MLN: variants seen among roughly 807,000 people sequenced by gnomAD.
The protein encoded by MLN is promotilin.
In MLN, 14 loss-of-function variants were observed where a neutral mutation model predicts 13.3. The observed-to-expected ratio is 1.05, with a 90% CI of 0.69 to 1.64. The LOEUF (loss-of-function observed/expected upper bound fraction) is 1.64, where lower values mean the gene tolerates loss of function less well. Ranked by LOEUF, MLN falls within the 40% of genes most tolerant of loss-of-function variation. The probability of loss-of-function intolerance (pLI) is 0.00; values close to 1 mark genes in which losing one functional copy is unlikely to be tolerated. For missense variants in MLN, 122 were observed against 142.9 expected, an observed-to-expected ratio of 0.85 and a Z score of 0.75; for synonymous variants, 59 against 54.7, an observed-to-expected ratio of 1.08 and a Z score of -0.34.
In MLN at chr6:33,799,808, G is replaced by T. The variant is rs762265394; in HGVS notation, c.118-587C>A. Reference sequence around the variant, plus strand: ...TTTGCTTGCTATTTTGCTAGTTTATGTTCCATTGGGTTTGACTGTTCCTGT... The same window carrying T: ...TTTGCTTGCTATTTTGCTAGTTTATTTTCCATTGGGTTTGACTGTTCCTGT... On this transcript the variant is annotated intron_variant, in intron 2 of 4. Coordinates refer to ENST00000430124, the MANE Select transcript of MLN (RefSeq NM_002418.3). This position sits in a 1 kb window ranked among gnomAD's most constrained non-coding sequence, Gnocchi z 4.6. 2.0e-4 allele frequency among the ~76,000 whole-genome samples: 30 copies of T among 152,324 alleles called. No homozygotes were observed. Among genetic ancestry groups the T allele is most frequent in the Non-Finnish European group, 4.1e-4 (28 of 68,032 alleles).
chr6:33,794,934 C>A, intron 4 of MLN, 99 bp from the exon 5 acceptor site: 1 of 1,467,462 alleles, frequency 6.8e-7, no homozygotes, highest in Non-Finnish European at 9.4e-7. Context: ...GGAGGGGGCA[C>A]AAGGGCAGGC....
intron 4 of MLN, 25 bp from the exon 5 acceptor site, chr6:33,794,860 T>C: frequency 1.2e-6 from 2 of 1,613,254 alleles, no homozygotes; most frequent in Non-Finnish European, 1.7e-6. Flanking sequence ...AGGTTTGCGC[T>C]CAGTACCATC....
rs1327398597 is a variant in MLN at position 33,799,038 on chromosome 6, C to A, written c.234+67G>T. The A allele has an allele frequency of 1.2e-5, 14 of 1,166,714 alleles. No individual in the cohort carries two copies. Among genetic ancestry groups the A allele is most frequent in the Non-Finnish European group, 1.8e-5 (14 of 793,006 alleles). The allele number at this position is 1,166,714 out of a possible 1,614,324, so 72.3% of individuals were successfully genotyped here. On this transcript the variant is annotated intron_variant, in intron 3 of 4. Coordinates refer to ENST00000430124, the MANE Select transcript of MLN (RefSeq NM_002418.3). The surrounding 1 kb of genome is among the most constrained non-coding windows in gnomAD (Gnocchi z 4.6). The stretch of plus-strand genomic sequence containing the variant: ...TCACTGTGGCTTGTGGGCTCTGCCT[C>A]CAGGCCAGGCAGGGGAATGCATGCC...
intron 3 of MLN, among the ~76,000 whole-genome samples, chr6:33,797,396 A>G (rs1767951147): frequency 6.6e-6 from 1 of 152,028 alleles, no homozygotes; most frequent in South Asian, 2.1e-4. Context: ...CTGAACTCCA[A>G]ACTTGTGTGT....
At chr6:33,795,712 C>A (rs1767900935) in intron 3 of MLN, 107 bp from the exon 4 acceptor site, 1 of 849,144 alleles carries the variant, frequency 1.2e-6, no homozygotes, top group Admixed American at 2.0e-5. Flanking sequence ...CACCACCCTG[C>A]AGACCCCACT....
chr6:33,800,453 G>A (rs760320349), intron 2 of MLN, among the ~76,000 whole-genome samples: 4 of 152,172 alleles, frequency 2.6e-5, no homozygotes, highest in Admixed American at 2.6e-4. Flanking sequence ...TACATGGACC[G>A]CAGCCTTGTT....
chr6:33,799,236 G>A lies in MLN; in HGVS notation c.118-15C>T. On this transcript the variant is annotated splice_polypyrimidine_tract_variant and intron_variant, in intron 2 of 4. Transcript: ENST00000430124. The surrounding 1 kb of genome is among the most constrained non-coding windows in gnomAD (Gnocchi z 4.6). ...CGTTCCTTTTCCTAGGGGCAGAACAGAAAATTGCACAAAACCGCCCTCCCT... is the reference window on the plus strand; with the variant it reads ...CGTTCCTTTTCCTAGGGGCAGAACAAAAAATTGCACAAAACCGCCCTCCCT... The A allele has an allele frequency of 6.3e-7, 1 of 1,596,742 alleles. No homozygotes were observed. The highest frequency in any genetic ancestry group is 8.6e-7 in the Non-Finnish European group (1 of 1,165,786).
In MLN at chr6:33,795,546, C is replaced by CGG; in HGVS notation, c.292_293dup (p.Ala99ArgfsTer8). ...CACTCAGCAGCCCTTCCAGGGTGGCCGGGTACTTTTCCAGCTGTCTGGAGT... is the reference window on the plus strand; with the variant it reads ...CACTCAGCAGCCCTTCCAGGGTGGCCGGGGGTACTTTTCCAGCTGTCTGGAGT... On this transcript the variant is annotated frameshift_variant, in exon 4 of 5. Transcript: ENST00000430124. LOFTEE classifies it low-confidence loss of function (END_TRUNC). 1 of 1,567,488 alleles carries CGG rather than the reference C, an allele frequency of 6.4e-7. No homozygotes were observed. Among genetic ancestry groups the CGG allele is most frequent in the Non-Finnish European group, 8.7e-7 (1 of 1,154,600 alleles).
chr6:33,799,103 A>C lies in MLN; in HGVS notation c.234+2T>G. 6.3e-7 allele frequency: 1 copy of C among 1,595,108 alleles called. No individual in the cohort carries two copies. The highest frequency in any genetic ancestry group is 2.2e-5 in the East Asian group (1 of 44,500). ...TCTCCTTTGTCCCAGTTGTCTGCTC[A>C]CCTTGATCATTTCGTTTTCTTCTTC... On this transcript the variant is annotated splice_donor_variant, in intron 3 of 4. Transcript: ENST00000430124. LOFTEE classifies it high-confidence loss of function. This position sits in a 1 kb window ranked among gnomAD's most constrained non-coding sequence, Gnocchi z 4.6.
chr6:33,794,784 G>A lies in MLN; in HGVS notation c.*41C>T. ...TTCCCAGGGCCTCACTTGGGCAGGA[G>A]GGGCCTCCCAAATCTGTCCACCTTC... is the stretch of plus-strand genomic sequence containing the variant. On this transcript the variant is annotated 3_prime_UTR_variant, in exon 5 of 5. Transcript: ENST00000430124. 1 of 1,612,172 alleles carries A rather than the reference G, an allele frequency of 6.2e-7. No homozygotes were observed. The highest frequency in any genetic ancestry group is 8.5e-7 in the Non-Finnish European group (1 of 1,179,176).
At chr6:33,800,971 A>C in intron 2 of MLN, 76 bp downstream of exon 2, 1 of 1,172,118 alleles carries the variant, frequency 8.5e-7, no homozygotes, top group Non-Finnish European at 1.3e-6. Flanking sequence ...GGTCCTTTAC[A>C]CTTTCCTTGG....
rs1468053379 is a variant in MLN, at chr6:33,795,717, C to T, written c.235-112G>A. ...TTGGGAGCCACACCACCCTGCAGAC[C>T]CCACTAGAGCCTCTAGGGATGGCTG... is the stretch of plus-strand genomic sequence containing the variant. On this transcript the variant is annotated intron_variant, in intron 3 of 4. Coordinates refer to ENST00000430124, the MANE Select transcript of MLN (RefSeq NM_002418.3). 3 of 787,098 alleles carry T rather than the reference C, an allele frequency of 3.8e-6. No homozygotes were observed. In the East Asian group the frequency reaches 8.1e-5, roughly 21 times the overall value. The allele number at this position is 787,098 out of a possible 1,614,324, so 48.8% of individuals were successfully genotyped here.
rs1488543301 is a variant in MLN at position 33,801,271 on chromosome 6, T to C, written c.-7-101A>G. On this transcript the variant is annotated intron_variant, in intron 1 of 4. Coordinates refer to ENST00000430124, the MANE Select transcript of MLN (RefSeq NM_002418.3). ...TCAGTTCTGGCCCATGCCCTACCTC[T>C]AGCTGTGTGATCTTCAGCCAAAGCT... 6.1e-6 allele frequency: 5 copies of C among 817,100 alleles called. No homozygotes were observed. The East Asian group carries it at 1.3e-4, about 21-fold the overall frequency. 50.6% of individuals were successfully genotyped at this position (817,100 alleles called of 1,614,324 possible).
At chr6:33,798,816 C>T (rs544233834) in intron 3 of MLN, among the ~76,000 whole-genome samples, 42 of 152,336 alleles carry the variant, frequency 2.8e-4, no homozygotes, top group African/African-American at 9.6e-4. Flanking sequence ...CAAATGTCAC[C>T]TCCTCCAAGA....
chr6:33,801,242 G>A, intron 1 of MLN, 72 bp from the exon 2 acceptor site: 5 of 1,163,688 alleles, frequency 4.3e-6, no homozygotes, highest in Non-Finnish European at 6.4e-6. Flanking sequence ...CGAGGCAGGG[G>A]CCCTCAGTTC....
chr6:33,796,798 C>G (rs1767934659), intron 3 of MLN, among the ~76,000 whole-genome samples: 1 of 152,222 alleles, frequency 6.6e-6, no homozygotes, highest in African/African-American at 2.4e-5. Flanking sequence ...CCAAAGGGCC[C>G]TCTCAGCTCT....
chr6:33,803,483 T>A lies in MLN; in HGVS notation c.-8+470A>T, dbSNP rs1561936572. On this transcript the variant is annotated intron_variant, in intron 1 of 4. Transcript: ENST00000430124. The surrounding 1 kb of genome is among the most constrained non-coding windows in gnomAD (Gnocchi z 4.5). ...CCACCTCGCATGGCTAATTTTTGTA[T>A]TTTTAGTAGAGACAGGGTGTCACCA... 6.6e-6 allele frequency among the ~76,000 whole-genome samples: 1 copy of A among 152,162 alleles called. No homozygotes were observed. The highest frequency in any genetic ancestry group is 1.9e-4 in the East Asian group (1 of 5,180).
chr6:33,796,998 T>G (rs1350040908), intron 3 of MLN, among the ~76,000 whole-genome samples: 1 of 152,126 alleles, frequency 6.6e-6, no homozygotes, highest in Non-Finnish European at 1.5e-5. Flanking sequence ...CCCTCCCAGC[T>G]CCCTCCTCAG....
chr6:33,796,069 C>G (rs1767912711), intron 3 of MLN, among the ~76,000 whole-genome samples: 1 of 151,494 alleles, frequency 6.6e-6, no homozygotes, highest in Non-Finnish European at 1.5e-5. Context: ...ACGCCATTCT[C>G]CTGCCTCAGC....
Sources: gnomAD v4.1 joint callset for allele counts (sites outside exome capture counted in the v4.1 genomes callset) on GRCh38, gnomAD v4.1.1 for gene constraint, Gnocchi (gnomAD v3.1) non-coding constraint, MANE v1.5 for transcripts, NCBI Gene and HGNC (gene_info 2026-07-23, HGNC 2026-07-21) for gene names.